The following TSPAN3 variants were observed in gnomAD, a reference collection of about 807,000 sequenced individuals.
TSPAN3 encodes the protein tetraspanin-3.
TSPAN3 carries 9 observed loss-of-function variants against 31.1 expected under a neutral mutation model. That is an observed-to-expected ratio of 0.29 (90% CI 0.17 to 0.50). The LOEUF (loss-of-function observed/expected upper bound fraction) is 0.50. Among genes scored for constraint, TSPAN3 ranks in the 20% least tolerant of loss-of-function variants. The probability of loss-of-function intolerance (pLI) is 0.98; values close to 1 mark genes in which losing one functional copy is unlikely to be tolerated. For missense variants in TSPAN3, 252 were observed against 313.5 expected, an observed-to-expected ratio of 0.80 and a Z score of 1.48; for synonymous variants, 129 against 114.3, an observed-to-expected ratio of 1.13 and a Z score of -0.82.
intron 6 of TSPAN3, among the ~76,000 whole-genome samples, chr15:77,047,672 A>C (rs2076703475): frequency 6.6e-6 from 1 of 152,214 alleles, no homozygotes; most frequent in Admixed American, 6.5e-5. Context: ...AATAGTAATA[A>C]AGTCATGCCA....
chr15:77,045,892 A>T lies in TSPAN3; in HGVS notation c.*943T>A, dbSNP rs1443243760. ...AAGCATCTGTGGTTTTTTGAATATC[A>T]AGCCCTTTAGAATCTGGCAACAGCT... On this transcript the variant is annotated 3_prime_UTR_variant, in exon 7 of 7. Transcript: ENST00000267970. 1.3e-5 allele frequency: 2 copies of T among 152,266 alleles called. No homozygotes were observed. The highest frequency in any genetic ancestry group is 4.8e-5 in the African/African-American group (2 of 41,442). The allele number at this position is 152,266 out of a possible 1,614,324, so 9.4% of individuals were successfully genotyped here.
At chr15:77,057,040 G>T (rs1018977279) in intron 1 of TSPAN3, among the ~76,000 whole-genome samples, 2 of 152,132 alleles carry the variant, frequency 1.3e-5, no homozygotes, top group African/African-American at 4.8e-5. Context: ...AGACCTAAAG[G>T]GAAAGTGAAC....
chr15:77,058,267 C>T (rs546963920), intron 1 of TSPAN3, among the ~76,000 whole-genome samples: 2 of 152,234 alleles, frequency 1.3e-5, no homozygotes, highest in South Asian at 2.1e-4. Flanking sequence ...CAAGTGAGTC[C>T]CCGATGAACC....
chr15:77,062,265 G>A (rs904807956), intron 1 of TSPAN3, among the ~76,000 whole-genome samples: 4 of 152,070 alleles, frequency 2.6e-5, no homozygotes, highest in African/African-American at 7.2e-5. Context: ...ATCTTAAATC[G>A]TTTAGCATTC....
intron 1 of TSPAN3, chr15:77,068,061 A>C (rs2076843983): frequency 6.6e-6 from 1 of 152,258 alleles, no homozygotes; most frequent in Admixed American, 6.5e-5. Flanking sequence ...TGTTTAGCAC[A>C]GTGCCTGGGG....
At chr15:77,060,354 C>A (rs1448740462) in intron 1 of TSPAN3, among the ~76,000 whole-genome samples, 1 of 152,094 alleles carries the variant, frequency 6.6e-6, no homozygotes, top group Non-Finnish European at 1.5e-5. Context: ...GTATAATAAA[C>A]AATTATGAAA....
chr15:77,067,316 A>C (rs1375011890), intron 1 of TSPAN3, among the ~76,000 whole-genome samples: 1 of 152,200 alleles, frequency 6.6e-6, no homozygotes, highest in African/African-American at 2.4e-5. Context: ...TATCTACACC[A>C]AATCAACAGT....
rs112100091 is a variant in TSPAN3 at position 77,047,049 on chromosome 15, G to GT, written c.670-123dup. ...ATGACTTCAAATCATCAAAAAGGCA[G>GT]TAACAACAGTGATAGAAGGAATTTC... On this transcript the variant is annotated intron_variant, in intron 6 of 6. Coordinates refer to ENST00000267970, the MANE Select transcript of TSPAN3 (RefSeq NM_005724.6). The GT allele has an allele frequency of 9.7e-3, 6,546 of 676,196 alleles. 140 individuals are homozygous for GT. Among genetic ancestry groups the GT allele is most frequent in the East Asian group, 0.059 (1,985 of 33,636 alleles). 41.9% of individuals were successfully genotyped at this position (676,196 alleles called of 1,614,324 possible).
Position 77,054,286 on chromosome 15 carries a change from C to A in TSPAN3, c.331-7G>T. 2 of 1,600,486 alleles carry A rather than the reference C, an allele frequency of 1.2e-6. No homozygotes were observed. Among genetic ancestry groups the A allele is most frequent in the South Asian group, 2.2e-5 (2 of 90,690 alleles). On this transcript the variant is annotated splice_polypyrimidine_tract_variant and splice_region_variant and intron_variant, in intron 3 of 6. Transcript: ENST00000267970. ...GATCAACCTCATTTTCCACCTGAAT[C>A]AGAACAAAGAATTCAGTCCCTCAAA... is the stretch of plus-strand genomic sequence containing the variant.
chr15:77,044,544 T>TG lies in TSPAN3; in HGVS notation c.*2290_*2291insC, dbSNP rs2076678025. The TG allele has an allele frequency of 6.6e-6, 1 of 152,230 alleles. No homozygotes were observed. Among genetic ancestry groups the TG allele is most frequent in the Non-Finnish European group, 1.5e-5 (1 of 68,054 alleles). The allele number at this position is 152,230 out of a possible 1,614,324, so 9.4% of individuals were successfully genotyped here. The stretch of plus-strand genomic sequence containing the variant: ...TCAGAGCTACCTCCCCACCTCCATC[T>TG]TTTTGGTCTCACTGGTAATATGGCC... On this transcript the variant is annotated 3_prime_UTR_variant, in exon 7 of 7. Coordinates refer to ENST00000267970, the MANE Select transcript of TSPAN3 (RefSeq NM_005724.6).
intron 1 of TSPAN3, among the ~76,000 whole-genome samples, chr15:77,066,126 T>C (rs933953614): frequency 6.6e-6 from 1 of 152,248 alleles, no homozygotes; most frequent in African/African-American, 2.4e-5. Flanking sequence ...TCAATTAATT[T>C]ACCGGAATAA....
chr15:77,052,301 A>C, intron 6 of TSPAN3, 84 bp downstream of exon 6: 1 of 1,173,240 alleles, frequency 8.5e-7, no homozygotes, highest in African/African-American at 1.5e-5. Flanking sequence ...ACAAAGATTC[A>C]CTGTGATGGG....
At position 77,052,457 on chromosome 15, in the gene TSPAN3, A is replaced by G. The variant is rs1439552398; in HGVS notation, c.597T>C (p.Ala199=). 2 of 1,613,952 alleles carry G rather than the reference A, an allele frequency of 1.2e-6. No individual in the cohort carries two copies. The highest frequency in any genetic ancestry group is 2.7e-5 in the African/African-American group (2 of 74,916). Reference sequence around the variant, plus strand: ...TTTCTTGTAGCTTCTTCACTACTAGAGCCTCACACCCCTGTAACAAACACA... The same window carrying G: ...TTTCTTGTAGCTTCTTCACTACTAGGGCCTCACACCCCTGTAACAAACACA... ...PSDLYAEGCE[A]LVVKKLQEIM... Residue 199 remains alanine, a synonymous_variant, in exon 6 of 7, where the codon GCT becomes GCC. Transcript: ENST00000267970.
intron 1 of TSPAN3, among the ~76,000 whole-genome samples, chr15:77,058,166 C>G (rs1308082382): frequency 6.6e-6 from 1 of 152,150 alleles, no homozygotes; most frequent in Non-Finnish European, 1.5e-5. Flanking sequence ...ACTCTCCCTG[C>G]ATCTTAATAC....
intron 1 of TSPAN3, among the ~76,000 whole-genome samples, chr15:77,059,945 C>G (rs1335047280): frequency 6.6e-6 from 1 of 152,164 alleles, no homozygotes; most frequent in Non-Finnish European, 1.5e-5. Context: ...CCTCTCCCCC[C>G]TAAAAGAGGC....
At chr15:77,070,862 CG>C (rs2076864713) in intron 1 of TSPAN3, 29 bp downstream of exon 1, 2 of 1,287,456 alleles carry the variant, frequency 1.6e-6, no homozygotes, top group African/African-American at 3.1e-5. Context: ...GCCCCGCCGC[CG>C]GCCCCTCGCT....
In TSPAN3 at chr15:77,043,164, T is replaced by C. The variant is rs2076669296; in HGVS notation, c.*3671A>G. 1.3e-5 allele frequency: 2 copies of C among 152,288 alleles called. No homozygotes were observed. The highest frequency in any genetic ancestry group is 1.3e-4 in the Admixed American group (2 of 15,254). 9.4% of individuals were successfully genotyped at this position (152,288 alleles called of 1,614,324 possible). A position where few individuals can be genotyped will look rare whatever the true frequency, so the allele number is the denominator to read the frequency against. On this transcript the variant is annotated 3_prime_UTR_variant, in exon 7 of 7. Coordinates refer to ENST00000267970, the MANE Select transcript of TSPAN3 (RefSeq NM_005724.6). ...CCTCCAGTAAGTTGATTCTCCAGCATGGGACAGGCAGCATATCCCAGGCAA... is the reference window on the plus strand; with the variant it reads ...CCTCCAGTAAGTTGATTCTCCAGCACGGGACAGGCAGCATATCCCAGGCAA...
intron 1 of TSPAN3, among the ~76,000 whole-genome samples, chr15:77,061,057 G>A (rs1411200871): frequency 6.6e-6 from 1 of 152,100 alleles, no homozygotes; most frequent in Non-Finnish European, 1.5e-5. Context: ...GCAAGTATAT[G>A]AGTTCCAAAA....
intron 6 of TSPAN3, 69 bp downstream of exon 6, chr15:77,052,315 TA>T: frequency 7.3e-7 from 1 of 1,376,960 alleles, no homozygotes; most frequent in Non-Finnish European, 1.0e-6. Flanking sequence ...TGATGGGGAT[TA>T]AAACCATTCA....
Sources: allele counts gnomAD v4.1 joint callset (sites outside exome capture counted in the v4.1 genomes callset), GRCh38; gene constraint gnomAD v4.1.1; transcripts MANE v1.5; gene names NCBI Gene and HGNC (gene_info 2026-07-23, HGNC 2026-07-21).